The following DYSF variants were observed in gnomAD, a reference collection of about 807,000 sequenced individuals.
DYSF encodes the protein dysferlin, also known as dystrophy-associated fer-1-like 1.
Under a neutral mutation model 274.9 loss-of-function variants are expected in DYSF, and 212 were observed. The observed-to-expected ratio is 0.77, with a 90% confidence interval of 0.69 to 0.86. The LOEUF (loss-of-function observed/expected upper bound fraction) is 0.86, where lower values mean the gene tolerates loss of function less well. DYSF is among the 40% of genes least tolerant of loss of function. The pLI, the probability that DYSF is intolerant of heterozygous loss-of-function variation, is 0.00. For missense variants in DYSF, 2,666 were observed against 2,783.2 expected (o/e 0.96, Z 0.95); for synonymous variants, 1,091 against 1,078.7 (o/e 1.01, Z -0.22).
intron 40 of DYSF, among the ~76,000 whole-genome samples, chr2:71,618,113 G>GTGT (rs2093956846): frequency 8.3e-6 from 1 of 120,140 alleles, no homozygotes; most frequent in African/African-American, 3.3e-5. Context: ...GTAGAGGTGG[G>GTGT]GTGTGTGTGT....
At chr2:71,573,822 C>G (rs997921330) in intron 29 of DYSF, among the ~76,000 whole-genome samples, 3 of 152,000 alleles carry the variant, frequency 2.0e-5, no homozygotes, top group African/African-American at 7.2e-5. Context: ...TTTCTTTTTT[C>G]TTTTTTTCTT....
chr2:71,457,859 C>T (rs898312930), intron 1 of DYSF, among the ~76,000 whole-genome samples: 1 of 152,104 alleles, frequency 6.6e-6, no homozygotes, highest in African/African-American at 2.4e-5. Flanking sequence ...ACCTGTGGTG[C>T]GTATGGCAGG....
chr2:71,590,164 C>T lies in DYSF; in HGVS notation c.3497-47C>T, dbSNP rs371574376. ...CTCCCCCCGAGCCCCAGCTCTTAAC[C>T]ACTCCAGCCACTCACTCTGGCACCT... On this transcript the variant is annotated intron_variant, in intron 31 of 55. Coordinates refer to ENST00000410020, the MANE Select transcript of DYSF (RefSeq NM_001130987.2). 18 of 1,603,154 alleles carry T rather than the reference C, an allele frequency of 1.1e-5. No individual in the cohort carries two copies. In the African/African-American group the frequency reaches 2.1e-4, roughly 19 times the overall value.
At position 71,665,254 on chromosome 2, in the gene DYSF, G is replaced by A. The variant is rs957111625; in HGVS notation, c.5267G>A (p.Arg1756Gln). Residue 1756 changes from arginine (R) to glutamine (Q), a missense_variant, in exon 47 of 56, where the codon CGG becomes CAG. Coordinates refer to ENST00000410020, the MANE Select transcript of DYSF (RefSeq NM_001130987.2). The part of the protein sequence containing the change: ...QQHRVKAPVY[R>Q]TDRVMFQDKE... ...CATAGAGTCAAGGCACCTGTGTACC[G>A]GACAGACCGTGTAATGTTTCAGGAT... 35 of 1,614,024 alleles carry A rather than the reference G, an allele frequency of 2.2e-5. No individual in the cohort carries two copies. Among genetic ancestry groups the A allele is most frequent in the African/African-American group, 8.0e-5 (6 of 74,914 alleles).
At chr2:71,663,842 C>T (rs538964055) in intron 45 of DYSF, among the ~76,000 whole-genome samples, 46 of 152,212 alleles carry the variant, frequency 3.0e-4, no homozygotes, top group Non-Finnish European at 5.9e-4. Flanking sequence ...TACCAGTCGT[C>T]GGTAAATTGG....
chr2:71,528,104 G>A (rs537285059), intron 13 of DYSF, among the ~76,000 whole-genome samples, 194 bp from the exon 14 acceptor site: 1 of 152,352 alleles, frequency 6.6e-6, no homozygotes, highest in African/African-American at 2.4e-5. Flanking sequence ...GTGACAAAGT[G>A]GCCCGGAGCT....
intron 41 of DYSF, among the ~76,000 whole-genome samples, chr2:71,624,013 G>A (rs369062444): frequency 1.9e-3 from 287 of 152,328 alleles, no homozygotes; most frequent in African/African-American, 6.5e-3. Flanking sequence ...AGGTTGCGGT[G>A]AGCCGTGATA....
At chr2:71,488,524 C>A (rs558873872) in intron 3 of DYSF, among the ~76,000 whole-genome samples, 119 of 152,200 alleles carry the variant, frequency 7.8e-4, no homozygotes, top group Non-Finnish European at 1.4e-3. Context: ...TACAGAACAA[C>A]CTGTTAAATG....
chr2:71,597,527 G>A (rs188848691), intron 32 of DYSF, among the ~76,000 whole-genome samples: 109 of 152,194 alleles, frequency 7.2e-4, no homozygotes, highest in African/African-American at 2.3e-3. Flanking sequence ...AGCCCACCCC[G>A]GCCCTGCTGA....
At chr2:71,660,873 C>T (rs758233761) in intron 45 of DYSF, among the ~76,000 whole-genome samples, 32 of 152,210 alleles carry the variant, frequency 2.1e-4, no homozygotes, top group Admixed American at 1.1e-3. Context: ...TAAACAATTA[C>T]GTCTAAGATC....
At chr2:71,611,444 C>T (rs760336317) in intron 37 of DYSF, 21 bp from the exon 38 acceptor site, 1 of 1,614,126 alleles carries the variant, frequency 6.2e-7, no homozygotes, top group South Asian at 1.1e-5. Flanking sequence ...CTGAGCCACT[C>T]TCCTCATTCT....
intron 4 of DYSF, among the ~76,000 whole-genome samples, chr2:71,504,324 G>A (rs972278405): frequency 6.6e-6 from 1 of 152,120 alleles, no homozygotes; most frequent in Admixed American, 6.5e-5. Flanking sequence ...TGCTCCCAAG[G>A]GGTCTTAGGC....
chr2:71,551,610 G>A lies in DYSF; in HGVS notation c.1696G>A (p.Glu566Lys), dbSNP rs774399292. 1 of 1,605,028 alleles carries A rather than the reference G, an allele frequency of 6.2e-7. No individual in the cohort carries two copies. The highest frequency in any genetic ancestry group is 2.2e-5 in the East Asian group (1 of 44,468). The change falls in exon 19 of 56, where the codon GAA (glutamate) becomes AAA (lysine). Residue 566 changes from glutamate to lysine, a missense_variant. Physicochemically the swap from Glu to Lys is moderately conservative, Grantham distance 56. Around this residue, in one of 3 missense-constraint regions of DYSF, gnomAD observed 794 missense variants for 777.1 expected, o/e 1.02. Coordinates refer to ENST00000410020, the MANE Select transcript of DYSF (RefSeq NM_001130987.2). ...TGTGACCTGACCTCCCTGGCAGGGG[G>A]AAGGTGTGGCTTATCGTGGCCGGCT... ...PYTELNTGKG[E>K]GVAYRGRLLL...
At chr2:71,650,482 A>AAAAT (rs1208711251) in intron 42 of DYSF, among the ~76,000 whole-genome samples, 5 of 152,154 alleles carry the variant, frequency 3.3e-5, no homozygotes, top group Non-Finnish European at 7.3e-5. Flanking sequence ...TTCCATCTCA[A>AAAAT]AAATAAATAA....
intron 3 of DYSF, among the ~76,000 whole-genome samples, chr2:71,492,537 A>G (rs2083949261): frequency 6.6e-6 from 1 of 152,252 alleles, no homozygotes; most frequent in Non-Finnish European, 1.5e-5. Flanking sequence ...AAATGGATAC[A>G]TGGTAACCCT....
intron 1 of DYSF, among the ~76,000 whole-genome samples, chr2:71,469,528 C>T (rs1427614045): frequency 1.3e-5 from 2 of 152,174 alleles, no homozygotes; most frequent in African/African-American, 2.4e-5. Flanking sequence ...CCAGCCTGCA[C>T]TGTGTGTTTG....
At chr2:71,678,027 T>C (rs912293961) in intron 52 of DYSF, among the ~76,000 whole-genome samples, 2 of 152,232 alleles carry the variant, frequency 1.3e-5, no homozygotes, top group African/African-American at 2.4e-5. Context: ...ACAGAAGTGT[T>C]TCAGATTTCT....
intron 46 of DYSF, among the ~76,000 whole-genome samples, chr2:71,664,898 T>C (rs1169082998): frequency 6.6e-6 from 1 of 152,362 alleles, no homozygotes; most frequent in East Asian, 1.9e-4. Context: ...TCAAGTCTTC[T>C]CTGGGTCTGA....
chr2:71,673,695 G>T (rs961396415), intron 51 of DYSF, among the ~76,000 whole-genome samples: 25 of 152,238 alleles, frequency 1.6e-4, no homozygotes, highest in African/African-American at 5.8e-4. Flanking sequence ...AGCTGCCAGG[G>T]TTTGAGTCCA....
Sources: allele counts gnomAD v4.1 joint callset (sites outside exome capture counted in the v4.1 genomes callset), GRCh38; gene constraint gnomAD v4.1.1; regional missense constraint gnomAD v4.1.1; transcripts MANE v1.5; gene names NCBI Gene and HGNC (gene_info 2026-07-23, HGNC 2026-07-21).